SRGAP3: variants seen among roughly 807,000 people sequenced by gnomAD.
The protein encoded by SRGAP3 is SLIT-ROBO Rho GTPase activating protein 3.
A neutral mutation model predicts 121.1 loss-of-function variants in SRGAP3; 39 were observed. The ratio of observed to expected loss-of-function variants is 0.32; its 90% CI spans 0.25 to 0.42. SRGAP3 has a LOEUF of 0.42. Among genes scored for constraint, SRGAP3 ranks in the 10% least tolerant of loss-of-function variants. SRGAP3 has a pLI of 1.00. For missense variants in SRGAP3, 1,213 were observed against 1,470.6 expected, an observed-to-expected ratio of 0.82 and a Z score of 2.86; for synonymous variants, 601 against 570.0, an observed-to-expected ratio of 1.05 and a Z score of -0.77.
intron 1 of SRGAP3, 59 bp downstream of exon 1, chr3:9,248,826 C>T: frequency 6.4e-7 from 1 of 1,558,492 alleles, no homozygotes; most frequent in African/African-American, 1.4e-5. Context: ...GGATGGGAAC[C>T]AGAACAAGAG....
At chr3:8,992,067 A>G (rs1436016564) in intron 20 of SRGAP3, among the ~76,000 whole-genome samples, 1 of 152,190 alleles carries the variant, frequency 6.6e-6, no homozygotes, top group East Asian at 1.9e-4. Flanking sequence ...GCTGAACTGA[A>G]TGGAATTTGC....
intron 1 of SRGAP3, among the ~76,000 whole-genome samples, chr3:9,232,151 T>A (rs146294358): frequency 2.4e-3 from 360 of 152,334 alleles, no homozygotes; most frequent in African/African-American, 8.1e-3. Flanking sequence ...TTACACTACA[T>A]AATGAGCACC....
At chr3:9,219,993 G>C (rs1389560564) in intron 1 of SRGAP3, among the ~76,000 whole-genome samples, 1 of 152,166 alleles carries the variant, frequency 6.6e-6, no homozygotes, top group African/African-American at 2.4e-5. Flanking sequence ...TGATCTCATG[G>C]AGGTAGAAGG....
At chr3:9,126,251 G>A (rs1031440448) in intron 1 of SRGAP3, among the ~76,000 whole-genome samples, 1 of 152,164 alleles carries the variant, frequency 6.6e-6, no homozygotes, top group Non-Finnish European at 1.5e-5. Context: ...AGGAAAAAGA[G>A]CAACTGCTCA....
chr3:9,283,503 T>C (rs966584893), intron 3 of SRGAP3, among the ~76,000 whole-genome samples: 1 of 152,166 alleles, frequency 6.6e-6, no homozygotes, highest in African/African-American at 2.4e-5. Flanking sequence ...TTTAAGTCTT[T>C]AAGTATTGGG....
At chr3:9,283,878 C>G (rs1330478796) in intron 3 of SRGAP3, among the ~76,000 whole-genome samples, 1 of 152,198 alleles carries the variant, frequency 6.6e-6, no homozygotes, top group African/African-American at 2.4e-5. Flanking sequence ...CACATGGACA[C>G]AAGACTGGCT....
At chr3:9,271,622 C>T (rs1376412499) in intron 3 of SRGAP3, among the ~76,000 whole-genome samples, 1 of 152,118 alleles carries the variant, frequency 6.6e-6, no homozygotes, top group Non-Finnish European at 1.5e-5. Flanking sequence ...TCTCATAAAC[C>T]TGTGCACAGA....
chr3:9,343,657 A>G (rs1955831532), intron 1 of SRGAP3, among the ~76,000 whole-genome samples: 4 of 152,168 alleles, frequency 2.6e-5, no homozygotes, highest in Admixed American at 2.6e-4. Context: ...TATATTATGC[A>G]TACTCTTATA....
chr3:9,015,281 C>T (rs1013433173), intron 15 of SRGAP3, among the ~76,000 whole-genome samples: 1 of 151,378 alleles, frequency 6.6e-6, no homozygotes, highest in Non-Finnish European at 1.5e-5. Flanking sequence ...ATGTCCCTTG[C>T]GCTTCCCAGG....
At chr3:9,089,595 A>G (rs892357509) in intron 3 of SRGAP3, among the ~76,000 whole-genome samples, 5 of 152,174 alleles carry the variant, frequency 3.3e-5, no homozygotes, top group African/African-American at 1.2e-4. Flanking sequence ...CTGTGCAGAA[A>G]TCTGCATCTC....
In SRGAP3 at chr3:9,263,119, T is replaced by A. The variant is rs551023692; in HGVS notation, n.442+62891A>T. 4.6e-5 allele frequency among the ~76,000 whole-genome samples: 7 copies of A among 152,294 alleles called. No homozygotes were observed. The East Asian group carries it at 9.6e-4, about 21-fold the overall frequency. ...GAACAACCTGCTCCTGAATGATTAT[T>A]GGGTAAATAACGAAATTAAGGCAAA... On this transcript the variant is annotated intron_variant and non_coding_transcript_variant, in intron 3 of 3. Coordinates refer to the SRGAP3 transcript ENST00000490889.
chr3:9,227,619 G>A (rs550529256), intron 1 of SRGAP3, among the ~76,000 whole-genome samples: 5 of 152,356 alleles, frequency 3.3e-5, no homozygotes, highest in Admixed American at 3.3e-4. Context: ...TGTTTGGGCA[G>A]AATTACTTCT....
chr3:9,206,692 T>C (rs1642755), intron 1 of SRGAP3, among the ~76,000 whole-genome samples: 7,417 of 152,186 alleles, frequency 0.049, 249 homozygotes, highest in South Asian at 0.11. Context: ...TCACCCTTCA[T>C]TCAGGTCTTA....
intron 11 of SRGAP3, 35 bp downstream of exon 11, chr3:9,038,028 G>A: frequency 6.2e-7 from 1 of 1,614,080 alleles, no homozygotes; most frequent in East Asian, 2.2e-5. Flanking sequence ...ACCTCGGGCA[G>A]CAGATGAAAG....
At chr3:9,073,413 G>A (rs963515118) in intron 4 of SRGAP3, among the ~76,000 whole-genome samples, 2 of 152,212 alleles carry the variant, frequency 1.3e-5, no homozygotes, top group South Asian at 2.1e-4. Flanking sequence ...CCAAAGTGCC[G>A]GGATTACAGG....
chr3:9,358,374 T>C (rs1236221541), intron 1 of SRGAP3, among the ~76,000 whole-genome samples: 1 of 152,220 alleles, frequency 6.6e-6, no homozygotes, highest in East Asian at 1.9e-4. Flanking sequence ...CATCTCAGCA[T>C]AGTGTTTCAA....
At chr3:9,038,408 T>C (rs935452280) in intron 10 of SRGAP3, among the ~76,000 whole-genome samples, 4 of 152,256 alleles carry the variant, frequency 2.6e-5, no homozygotes, top group Non-Finnish European at 4.4e-5. Context: ...TTCTTGGCTG[T>C]CTCATGGGTC....
chr3:9,026,320 C>T (rs1161258829), intron 13 of SRGAP3, among the ~76,000 whole-genome samples: 1 of 152,138 alleles, frequency 6.6e-6, no homozygotes, highest in Non-Finnish European at 1.5e-5. Context: ...TGATAATTTC[C>T]TTGCCCTTTT....
chr3:9,284,224 C>T (rs1954728569), intron 3 of SRGAP3, among the ~76,000 whole-genome samples: 1 of 151,978 alleles, frequency 6.6e-6, no homozygotes, highest in Admixed American at 6.5e-5. Flanking sequence ...GTATGCCACA[C>T]AAGTGCTTTA....
Sources: allele counts gnomAD v4.1 joint callset (sites outside exome capture counted in the v4.1 genomes callset), GRCh38; gene constraint gnomAD v4.1.1; transcripts MANE v1.5; gene names NCBI Gene and HGNC (gene_info 2026-07-23, HGNC 2026-07-21).